Variants in PTBP1 observed in about 807,000 individuals in gnomAD.
PTBP1 encodes the protein polypyrimidine tract-binding protein 1.
PTBP1 carries 8 observed loss-of-function variants against 59.8 expected under a neutral mutation model. The ratio of observed to expected loss-of-function variants is 0.13; its 90% confidence interval spans 0.08 to 0.24. The LOEUF (loss-of-function observed/expected upper bound fraction) is 0.24. PTBP1 is among the 10% of genes least tolerant of loss of function. PTBP1 has a pLI of 1.00. For synonymous variants in PTBP1, 490 were observed against 320.7 expected (o/e 1.53, Z -5.64); for missense variants, 686 against 767.0 (o/e 0.89, Z 1.25).
chr19:810,750 C>G lies in PTBP1; in HGVS notation c.1598C>G (p.Ala533Gly). 1 of 1,606,886 alleles carries G rather than the reference C, an allele frequency of 6.2e-7. No individual in the cohort carries two copies. Among genetic ancestry groups the G allele is most frequent in the Non-Finnish European group, 8.5e-7 (1 of 1,177,916 alleles). Residue 533 changes from alanine (A) to glycine (G), a missense_variant, in exon 15 of 15, where the codon GCC becomes GGC. Coordinates refer to ENST00000356948, the MANE Select transcript of PTBP1 (RefSeq NM_002819.5). The part of the protein sequence containing the change: ...QMGSVEEAVQ[A>G]LIDLHNHDLG... ...GGCTCCGTGGAGGAGGCGGTCCAGGCCCTCATTGACCTGCACAACCACGAC... is the reference window on the plus strand; with the variant it reads ...GGCTCCGTGGAGGAGGCGGTCCAGGGCCTCATTGACCTGCACAACCACGAC...
chr19:803,841 C>T (rs375207882), intron 3 of PTBP1, among the ~76,000 whole-genome samples, 195 bp from the exon 4 acceptor site: 4 of 152,110 alleles, frequency 2.6e-5, no homozygotes, highest in Admixed American at 2.0e-4. Context: ...GACCTGTGGG[C>T]GGGTTGTCAG....
intron 2 of PTBP1, among the ~76,000 whole-genome samples, chr19:803,212 A>G (rs1599225002): frequency 3.3e-5 from 5 of 152,122 alleles, no homozygotes; most frequent in African/African-American, 9.7e-5. Flanking sequence ...GCCTGTGCCC[A>G]GGGCCGCTGG....
chr19:804,147 T>C lies in PTBP1; in HGVS notation c.227T>C (p.Ile76Thr). ...ATCGACGTCACGGAGGGGGAAGTCA[T>C]CTCCCTGGGGCTGCCCTTTGGGAAG... ...LPIDVTEGEV[I>T]SLGLPFGKVT... is the part of the protein sequence containing the mutation. The change falls in exon 4 of 15, where the codon ATC (isoleucine) becomes ACC (threonine). Residue 76 changes from isoleucine (I) to threonine (T), a missense_variant. Physicochemically the swap from Ile to Thr is moderately conservative, Grantham distance 89 (BLOSUM62 -1). Coordinates refer to ENST00000356948, the MANE Select transcript of PTBP1 (RefSeq NM_002819.5). The C allele has an allele frequency of 6.2e-7, 1 of 1,613,642 alleles. No homozygotes were observed. The highest frequency in any genetic ancestry group is 8.5e-7 in the Non-Finnish European group (1 of 1,179,770).
chr19:810,866 T>TC lies in PTBP1; in HGVS notation c.*42dup. ...ACGGCCGGGCCCCCTGGCGACAACT[T>TC]CCATCATTCCAGAGAAAAGCCACTT... On this transcript the variant is annotated 3_prime_UTR_variant, in exon 15 of 15. Transcript: ENST00000356948. The TC allele has an allele frequency of 6.7e-7, 1 of 1,492,280 alleles. No homozygotes were observed. The highest frequency in any genetic ancestry group is 8.9e-7 in the Non-Finnish European group (1 of 1,128,208). The allele number at this position is 1,492,280 out of a possible 1,614,324, so 92.4% of individuals were successfully genotyped here. A position where few individuals can be genotyped will look rare whatever the true frequency, so the allele number is the denominator to read the frequency against.
intron 3 of PTBP1, 92 bp from the exon 4 acceptor site, chr19:803,944 C>T (rs150304286): frequency 4.4e-5 from 65 of 1,487,952 alleles, no homozygotes; most frequent in Middle Eastern, 1.9e-4. Flanking sequence ...GGTTGGTCTC[C>T]GTAGCAGGCA....
intron 3 of PTBP1, 135 bp downstream of exon 3, chr19:803,771 A>G (rs2034440367): frequency 5.8e-6 from 5 of 867,008 alleles, no homozygotes. Context: ...CCCAGGTCCA[A>G]GTTCTCGCTG....
intron 13 of PTBP1, 51 bp from the exon 14 acceptor site, chr19:810,492 G>C: frequency 6.5e-7 from 1 of 1,542,248 alleles, no homozygotes. Flanking sequence ...GACCTGACTG[G>C]GCGCCCCCAC....
intron 1 of PTBP1, among the ~76,000 whole-genome samples, chr19:798,042 G>A (rs915348368): frequency 6.6e-6 from 1 of 151,396 alleles, no homozygotes; most frequent in African/African-American, 2.4e-5. Context: ...CGCCGGGAGG[G>A]AAAGCTGGCG....
intron 2 of PTBP1, 113 bp from the exon 3 acceptor site, chr19:803,448 G>A: frequency 1.2e-6 from 1 of 833,146 alleles, no homozygotes; most frequent in East Asian, 2.4e-5. Flanking sequence ...GTGTGGGTAT[G>A]GGTTGGGGGT....
chr19:811,063 C>A lies in PTBP1; in HGVS notation c.*237C>A. 2.2e-6 allele frequency: 1 copy of A among 451,436 alleles called. No homozygotes were observed. Among genetic ancestry groups the A allele is most frequent in the Non-Finnish European group, 3.8e-6 (1 of 261,782 alleles). 28.0% of individuals were successfully genotyped at this position (451,436 alleles called of 1,614,324 possible). A position where few individuals can be genotyped will look rare whatever the true frequency, so the allele number is the denominator to read the frequency against. On this transcript the variant is annotated 3_prime_UTR_variant, in exon 15 of 15. Coordinates refer to ENST00000356948, the MANE Select transcript of PTBP1 (RefSeq NM_002819.5). ...AGCGGGAGTTCCCGGCCCTCCACACCCGGGGCCAGACCCTCGGGGCCATGC... is the reference window on the plus strand; with the variant it reads ...AGCGGGAGTTCCCGGCCCTCCACACACGGGGCCAGACCCTCGGGGCCATGC...
At chr19:805,824 C>T (rs930699477) in intron 9 of PTBP1, 4 of 520,650 alleles carry the variant, frequency 7.7e-6, no homozygotes, top group Middle Eastern at 5.3e-4. Flanking sequence ...GGTCTGGTTC[C>T]CTTCAAGCAC....
In PTBP1 at chr19:808,267, C is replaced by T. The variant is rs953672026; in HGVS notation, c.1154-93C>T. On this transcript the variant is annotated intron_variant, in intron 11 of 14. Coordinates refer to ENST00000356948, the MANE Select transcript of PTBP1 (RefSeq NM_002819.5). This position sits in a 1 kb window ranked among gnomAD's most constrained non-coding sequence, Gnocchi z 4.7. Reference sequence around the variant, plus strand: ...TAAAGCAAACCCGGCCGGGCTGAGCCGGGCCTTGTGGGGGTGCGCGGGGCC... The same window carrying T: ...TAAAGCAAACCCGGCCGGGCTGAGCTGGGCCTTGTGGGGGTGCGCGGGGCC... The T allele has an allele frequency of 1.0e-5, 11 of 1,094,850 alleles. No individual in the cohort carries two copies. The highest frequency in any genetic ancestry group is 4.1e-5 in the South Asian group (3 of 73,042). The allele number at this position is 1,094,850 out of a possible 1,614,324, so 67.8% of individuals were successfully genotyped here. A position where few individuals can be genotyped will look rare whatever the true frequency, so the allele number is the denominator to read the frequency against.
At position 805,189 on chromosome 19, in the gene PTBP1, TA is replaced by T; in HGVS notation, c.892+4del. 6.2e-7 allele frequency: 1 copy of T among 1,612,946 alleles called. No individual in the cohort carries two copies. The highest frequency in any genetic ancestry group is 8.5e-7 in the Non-Finnish European group (1 of 1,179,612). On this transcript the variant is annotated splice_donor_region_variant and intron_variant, in intron 8 of 14. Coordinates refer to ENST00000356948, the MANE Select transcript of PTBP1 (RefSeq NM_002819.5). ...ACCAGACCATGGCCGCGGCCTTCGGTAAGAGGCTGCCCGACGCGGCGCCAGT... is the reference window on the plus strand; with the variant it reads ...ACCAGACCATGGCCGCGGCCTTCGGTAGAGGCTGCCCGACGCGGCGCCAGT...
intron 10 of PTBP1, 22 bp downstream of exon 10, chr19:806,578 G>A (rs375698667): frequency 1.7e-5 from 25 of 1,475,340 alleles, no homozygotes; most frequent in Middle Eastern, 1.8e-4. Flanking sequence ...TTTCCTCCGC[G>A]CCGCCGTTCC....
intron 10 of PTBP1, 49 bp downstream of exon 10, chr19:806,605 A>G (rs1438812055): frequency 6.9e-7 from 1 of 1,453,500 alleles, no homozygotes; most frequent in Non-Finnish European, 9.1e-7. Context: ...AAGAGCGAGC[A>G]GGGGATGTTG....
At chr19:806,200 T>TGTGA in intron 9 of PTBP1, 2 of 508,022 alleles carry the variant, frequency 3.9e-6, no homozygotes, top group Non-Finnish European at 6.8e-6. Context: ...CGGCCCGTGC[T>TGTGA]GTGAGGAGAG....
intron 2 of PTBP1, among the ~76,000 whole-genome samples, chr19:801,862 C>G (rs1054033066): frequency 2.0e-5 from 3 of 152,182 alleles, no homozygotes; most frequent in Non-Finnish European, 1.5e-5. Flanking sequence ...CCGCCTTGTG[C>G]TCATAGGGGG....
chr19:806,754 G>C, intron 10 of PTBP1, 198 bp downstream of exon 10: 2 of 511,596 alleles, frequency 3.9e-6, no homozygotes, highest in Non-Finnish European at 3.3e-6. Flanking sequence ...TTCACATCTT[G>C]GTTCGCGTTT....
chr19:806,450 C>G lies in PTBP1; in HGVS notation c.1013C>G (p.Ala338Gly). 1 of 1,601,076 alleles carries G rather than the reference C, an allele frequency of 6.2e-7. No homozygotes were observed. The highest frequency in any genetic ancestry group is 1.1e-5 in the South Asian group (1 of 90,466). ...PNVHGALAPL[A>G]IPSAAAAAAA... ...GTCCACGGCGCCCTGGCCCCCCTGGCCATCCCCTCGGCGGCGGCGGCAGCT... is the reference window on the plus strand; with the variant it reads ...GTCCACGGCGCCCTGGCCCCCCTGGGCATCCCCTCGGCGGCGGCGGCAGCT... The change falls in exon 10 of 15, where the codon GCC becomes GGC. Residue 338 changes from alanine to glycine, a missense_variant. Ala to Gly is a moderately conservative substitution (Grantham distance 60, BLOSUM62 0). Transcript: ENST00000356948.
Sources: allele counts gnomAD v4.1 joint callset (sites outside exome capture counted in the v4.1 genomes callset), GRCh38; gene constraint gnomAD v4.1.1; non-coding constraint Gnocchi (gnomAD v3.1); transcripts MANE v1.5; gene names NCBI Gene and HGNC (gene_info 2026-07-23, HGNC 2026-07-21).